PCDH11X: variants seen among roughly 807,000 people sequenced by gnomAD.
The protein encoded by PCDH11X is protocadherin 11 X-linked.
Under a neutral mutation model 53.3 loss-of-function variants are expected in PCDH11X, and 18 were observed. That is an observed-to-expected ratio of 0.34 (90% CI 0.23 to 0.50). The LOEUF (loss-of-function observed/expected upper bound fraction) is 0.50, where lower values mean the gene tolerates loss of function less well. Ranked by LOEUF, PCDH11X falls within the 20% of genes least tolerant of loss-of-function variation. PCDH11X has a pLI of 0.98. For missense variants in PCDH11X, 570 were observed against 1,032.4 expected, an observed-to-expected ratio of 0.55 and a Z score of 6.14; for synonymous variants, 279 against 393.3, an observed-to-expected ratio of 0.71 and a Z score of 3.44.
At chrX:92,364,735 T>C (rs2070423835) in intron 8 of PCDH11X, among the ~76,000 whole-genome samples, 1 of 106,678 alleles carries the variant, frequency 9.4e-6, no homozygotes, top group African/African-American at 3.4e-5. Context: ...ACACATTTTA[T>C]AGCTCAAATC....
intron 5 of PCDH11X, among the ~76,000 whole-genome samples, chrX:91,854,018 A>G (rs1314340233): frequency 9.0e-6 from 1 of 111,498 alleles, no homozygotes; most frequent in Non-Finnish European, 1.9e-5. Flanking sequence ...CACACAATCC[A>G]ATGATACTTT....
chrX:92,525,879 T>C (rs1477187638), intron 10 of PCDH11X, among the ~76,000 whole-genome samples: 2 of 111,098 alleles, frequency 1.8e-5, no homozygotes, highest in East Asian at 5.7e-4. Flanking sequence ...TTCTTATTTT[T>C]TGCTCCAATT....
chrX:92,346,620 A>G (rs2069903098), intron 8 of PCDH11X, among the ~76,000 whole-genome samples: 1 of 112,154 alleles, frequency 8.9e-6, no homozygotes, highest in Non-Finnish European at 1.9e-5. Context: ...ACTACAATCA[A>G]CATTTAATAA....
At chrX:92,013,648 G>A (rs1039668932) in intron 6 of PCDH11X, among the ~76,000 whole-genome samples, 38 of 111,787 alleles carry the variant, frequency 3.4e-4, no homozygotes, top group Middle Eastern at 9.3e-3. Context: ...CAAGGCTACA[G>A]TAACCAAAAC....
intron 5 of PCDH11X, among the ~76,000 whole-genome samples, chrX:91,870,883 C>A (rs781061931): frequency 9.1e-6 from 1 of 110,396 alleles, no homozygotes; most frequent in Non-Finnish European, 1.9e-5. Flanking sequence ...CATCACTCTC[C>A]TTTCCTTAGT....
intron 7 of PCDH11X, among the ~76,000 whole-genome samples, chrX:92,214,495 G>C (rs1217741551): frequency 1.8e-5 from 2 of 111,315 alleles, no homozygotes; most frequent in Non-Finnish European, 3.8e-5. Context: ...GTAACTTGGG[G>C]GTATTTGTAT....
At chrX:92,566,276 T>G (rs1921462351) in intron 10 of PCDH11X, among the ~76,000 whole-genome samples, 1 of 109,366 alleles carries the variant, frequency 9.1e-6, no homozygotes, top group African/African-American at 3.3e-5. Context: ...TTTATATTAT[T>G]TAAACATTAG....
chrX:91,824,107 A>AT (rs1330260662), intron 4 of PCDH11X, among the ~76,000 whole-genome samples: 4 of 110,673 alleles, frequency 3.6e-5, no homozygotes, highest in African/African-American at 6.6e-5. Flanking sequence ...TGCCCTTAAC[A>AT]TTTTTTCCTT....
chrX:92,503,590 T>G (rs930838672), intron 10 of PCDH11X, among the ~76,000 whole-genome samples: 1 of 99,069 alleles, frequency 1.0e-5, no homozygotes, highest in Non-Finnish European at 2.0e-5. Flanking sequence ...ATAGATGGAG[T>G]TGGAAGCCAT....
In PCDH11X at chrX:92,301,029, T is replaced by C. The variant is rs763544688; in HGVS notation, c.3144+37886T>C. Among the ~76,000 whole-genome samples the C allele has an allele frequency of 1.2e-3, 136 of 110,577 alleles. 1 individual carries two copies. The highest frequency in any genetic ancestry group is 4.2e-3 in the African/African-American group (128 of 30,438). On this transcript the variant is annotated intron_variant, in intron 8 of 10. Transcript: ENST00000682573. ...AAGGCAAAGTCTACTTGCCTATGTG[T>C]GTGCCAGCAAAACAATGAGAGTGTG... is the stretch of plus-strand genomic sequence containing the variant.
chrX:92,356,322 G>A (rs1428215158), intron 8 of PCDH11X, among the ~76,000 whole-genome samples: 5 of 107,713 alleles, frequency 4.6e-5, no homozygotes, highest in African/African-American at 1.4e-4. Flanking sequence ...CTTTGAAGAA[G>A]GAAAGAAATA....
At chrX:92,459,833 G>T (rs1300295124) in intron 9 of PCDH11X, 13 of 1,141,331 alleles carry the variant, frequency 1.1e-5, no homozygotes, top group South Asian at 9.2e-5. Context: ...AGCTTCCGGG[G>T]TGGCATGGGG....
intron 7 of PCDH11X, among the ~76,000 whole-genome samples, chrX:92,208,129 AG>A (rs1308460680): frequency 1.0e-4 from 11 of 104,805 alleles, no homozygotes; most frequent in African/African-American, 3.9e-4. Flanking sequence ...CGGGTGGCAG[AG>A]GTTGCAGTGA....
At chrX:92,425,734 G>A (rs1334203648) in intron 9 of PCDH11X, among the ~76,000 whole-genome samples, 1 of 81,184 alleles carries the variant, frequency 1.2e-5, no homozygotes. Context: ...TGAAAAGTCT[G>A]GGTATTGATC....
At chrX:92,488,140 T>C in intron 10 of PCDH11X, among the ~76,000 whole-genome samples, 1 of 110,048 alleles carries the variant, frequency 9.1e-6, no homozygotes, top group Non-Finnish European at 1.9e-5. Context: ...CATAATGATA[T>C]CTTTTGTTAA....
intron 5 of PCDH11X, among the ~76,000 whole-genome samples, chrX:91,874,090 A>G (rs1437667431): frequency 1.8e-5 from 2 of 111,235 alleles, no homozygotes; most frequent in Admixed American, 9.6e-5. Flanking sequence ...GATTAAAAGA[A>G]TAGTATTAAG....
At chrX:92,278,732 C>G (rs1167892745) in intron 8 of PCDH11X, among the ~76,000 whole-genome samples, 1 of 108,738 alleles carries the variant, frequency 9.2e-6, no homozygotes, top group African/African-American at 3.4e-5. Flanking sequence ...TTCAGGCCAT[C>G]TGGTCATATC....
At chrX:91,902,651 TCTC>T (rs1458240444) in intron 6 of PCDH11X, among the ~76,000 whole-genome samples, 1 of 109,427 alleles carries the variant, frequency 9.1e-6, no homozygotes, top group Non-Finnish European at 1.9e-5. Flanking sequence ...TACATCAAGT[TCTC>T]CTATAAACAT....
chrX:92,088,630 G>A (rs1362463210), intron 6 of PCDH11X, among the ~76,000 whole-genome samples: 1 of 111,648 alleles, frequency 9.0e-6, no homozygotes, highest in Non-Finnish European at 1.9e-5. Context: ...ACACATCTGG[G>A]AAATACAGAT....
Sources: gnomAD v4.1 joint callset for allele counts (sites outside exome capture counted in the v4.1 genomes callset) on GRCh38, gnomAD v4.1.1 for gene constraint, MANE v1.5 for transcripts, NCBI Gene and HGNC (gene_info 2026-07-23, HGNC 2026-07-21) for gene names.